FADS6: variants seen among roughly 807,000 people sequenced by gnomAD.
FADS6 encodes the protein fatty acid desaturase 6.
Under a neutral mutation model 31.7 loss-of-function variants are expected in FADS6, and 28 were observed. That is an observed-to-expected ratio of 0.88 (90% CI 0.66 to 1.21). The LOEUF is 1.21. Ranked by LOEUF, FADS6 falls within the 50% of genes most tolerant of loss-of-function variation. The pLI is 0.00. For missense variants in FADS6, 494 were observed against 504.2 expected (o/e 0.98, Z 0.19); for synonymous variants, 191 against 213.1 (o/e 0.90, Z 0.90).
At chr17:74,882,502 C>G (rs779636351) in intron 3 of FADS6, 28 bp downstream of exon 3, 1 of 1,589,944 alleles carries the variant, frequency 6.3e-7, no homozygotes, top group African/African-American at 1.3e-5. Flanking sequence ...ATGCAGGACA[C>G]TGCGGACCGG....
chr17:74,890,746 G>T (rs1002493235), intron 2 of FADS6, among the ~76,000 whole-genome samples: 1 of 152,146 alleles, frequency 6.6e-6, no homozygotes, highest in East Asian at 1.9e-4. Flanking sequence ...GGCTATCTGG[G>T]TATCTCAAGC....
chr17:74,880,898 G>T (rs2038559946), intron 4 of FADS6, among the ~76,000 whole-genome samples, 170 bp downstream of exon 4: 1 of 152,198 alleles, frequency 6.6e-6, no homozygotes. Context: ...GAGAGGGCAG[G>T]CAGGGTCTCT....
chr17:74,888,718 T>A (rs1598562785), intron 2 of FADS6, among the ~76,000 whole-genome samples: 1 of 152,204 alleles, frequency 6.6e-6, no homozygotes, highest in Admixed American at 6.5e-5. Context: ...GCTTCGGAAC[T>A]GGCAGGGCCT....
At chr17:74,889,710 C>T (rs1326035163) in intron 2 of FADS6, among the ~76,000 whole-genome samples, 1 of 142,880 alleles carries the variant, frequency 7.0e-6, no homozygotes. Context: ...TACAAAAATA[C>T]AAAAAAAAAA....
Position 74,881,201 on chromosome 17 carries a change from G to T in FADS6, c.647C>A (p.Ser216Tyr). The T allele has an allele frequency of 6.2e-7, 1 of 1,611,432 alleles. No individual in the cohort carries two copies. Among genetic ancestry groups the T allele is most frequent in the Non-Finnish European group, 8.5e-7 (1 of 1,178,786 alleles). ...CCAGTAGTGAGAATAAAGGCCCAGA[G>T]AAATCAGGGCCAGCGTCCGCAGGGC... ...GTALRTLALI[S>Y]LGLYSHYWLL... Residue 216 changes from serine (S) to tyrosine (Y), a missense_variant, in exon 4 of 6, where the codon TCT (serine) becomes TAT (tyrosine). Coordinates refer to ENST00000612771, the MANE Select transcript of FADS6 (RefSeq NM_178128.6).
intron 1 of FADS6, among the ~76,000 whole-genome samples, chr17:74,892,940 G>C (rs2038707735): frequency 6.6e-6 from 1 of 152,098 alleles, no homozygotes; most frequent in Non-Finnish European, 1.5e-5. Flanking sequence ...AAGCAATGTT[G>C]GGGCCTCAGG....
At position 74,878,381 on chromosome 17, in the gene FADS6, C is replaced by T. The variant is rs2038529350; in HGVS notation, c.1057G>A (p.Glu353Lys). The T allele has an allele frequency of 2.5e-6, 4 of 1,614,022 alleles. No individual in the cohort carries two copies. The highest frequency in any genetic ancestry group is 3.4e-6 in the Non-Finnish European group (4 of 1,179,880). Reference sequence around the variant, plus strand: ...GGTGGGGCCTGCACCATGAATTCCTCATAGCGACGGAGAAACAGCTGGAAG... The same window carrying T: ...GGTGGGGCCTGCACCATGAATTCCTTATAGCGACGGAGAAACAGCTGGAAG... ...ARFQLFLRRY[E>K]EFMVQAPPIT... The change falls in exon 6 of 6, where the codon GAG (glutamate) becomes AAG (lysine). Residue 353 changes from glutamate (E) to lysine (K), a missense_variant. Glu to Lys is a moderately conservative substitution (Grantham distance 56, BLOSUM62 1). Coordinates refer to ENST00000612771, the MANE Select transcript of FADS6 (RefSeq NM_178128.6).
chr17:74,885,001 C>T (rs2038608902), intron 2 of FADS6, among the ~76,000 whole-genome samples: 1 of 152,150 alleles, frequency 6.6e-6, no homozygotes, highest in Admixed American at 6.5e-5. Context: ...AGCCACTGCG[C>T]CCAGCCTAAA....
intron 3 of FADS6, among the ~76,000 whole-genome samples, chr17:74,881,640 CCT>C (rs1209836214): frequency 6.6e-6 from 1 of 151,704 alleles, no homozygotes; most frequent in Admixed American, 6.6e-5. Flanking sequence ...ACTTCAGCCC[CCT>C]GAGTAGTTGG....
chr17:74,881,074 G>T lies in FADS6; in HGVS notation c.774C>A (p.Ile258=), dbSNP rs760714522. Residue 258 remains isoleucine (I), a synonymous_variant, in exon 4 of 6, where the codon ATC becomes ATA. Coordinates refer to ENST00000612771, the MANE Select transcript of FADS6 (RefSeq NM_178128.6). ...CAGGTTGGGGTGGCCTCACCTGGAA[G>T]ATGTTGACGTGGAGGTAGGGGTGGG... ...LLAHPYLHVN[I]FQHIGLPMFS... is the part of the protein sequence containing the mutation. 2 of 1,612,690 alleles carry T rather than the reference G, an allele frequency of 1.2e-6. No homozygotes were observed. The highest frequency in any genetic ancestry group is 3.3e-5 in the Admixed American group (2 of 59,792).
chr17:74,883,092 A>G (rs1169909250), intron 2 of FADS6, among the ~76,000 whole-genome samples: 1 of 152,224 alleles, frequency 6.6e-6, no homozygotes, highest in Non-Finnish European at 1.5e-5. Context: ...TCTTAGAAGC[A>G]TCTGCTCGTT....
In FADS6 at chr17:74,877,984, G is replaced by T. The variant is rs933521913; in HGVS notation, c.*347C>A. ...TATCTCCCAGGTGGCCCCTGCACAG[G>T]ATCCCTCTTCACCCTGTCACCTCCC... is the stretch of plus-strand genomic sequence containing the variant. On this transcript the variant is annotated 3_prime_UTR_variant, in exon 6 of 6. Coordinates refer to ENST00000612771, the MANE Select transcript of FADS6 (RefSeq NM_178128.6). The T allele has an allele frequency of 6.7e-6, 7 of 1,038,190 alleles. No homozygotes were observed. Among genetic ancestry groups the T allele is most frequent in the Admixed American group, 5.5e-5 (1 of 18,190 alleles). 64.3% of individuals were successfully genotyped at this position (1,038,190 alleles called of 1,614,324 possible).
intron 2 of FADS6, among the ~76,000 whole-genome samples, chr17:74,885,847 C>T (rs952083937): frequency 1.3e-5 from 2 of 152,160 alleles, no homozygotes; most frequent in Non-Finnish European, 2.9e-5. Context: ...CTGTAGTGTA[C>T]TGTTTGTTTA....
chr17:74,887,714 T>C (rs2038638048), intron 2 of FADS6, among the ~76,000 whole-genome samples: 1 of 152,122 alleles, frequency 6.6e-6, no homozygotes, highest in Non-Finnish European at 1.5e-5. Flanking sequence ...TAAGATGGAG[T>C]CTTGCTCTCT....
intron 2 of FADS6, among the ~76,000 whole-genome samples, chr17:74,888,581 G>A (rs1314971963): frequency 6.6e-6 from 1 of 152,100 alleles, no homozygotes. Flanking sequence ...GAGCCCTGAA[G>A]GAAGCCGATG....
rs760589322 is a variant in FADS6, at chr17:74,881,155, G to A, written c.693C>T (p.Gly231=). 1.7e-5 allele frequency: 28 copies of A among 1,613,186 alleles called. No individual in the cohort carries two copies. The highest frequency in any genetic ancestry group is 2.7e-5 in the African/African-American group (2 of 74,916). ...CCAGGGCTGAGCTGGGGTTCTTGAA[G>A]CCTGACACGTTCAGGAGCAGCCAGT... ...SHYWLLLNVS[G]FKNPSSALGC... The change falls in exon 4 of 6, where the codon GGC becomes GGT. Residue 231 remains glycine (G), a synonymous_variant. Coordinates refer to ENST00000612771, the MANE Select transcript of FADS6 (RefSeq NM_178128.6).
At chr17:74,892,496 C>T (rs779920056) in intron 2 of FADS6, 27 bp downstream of exon 2, 10 of 1,602,416 alleles carry the variant, frequency 6.2e-6, no homozygotes, top group Non-Finnish European at 8.5e-6. Context: ...CCAGCAGCTG[C>T]CTGCATCCTC....
In FADS6 at chr17:74,878,259, C is replaced by G; in HGVS notation, c.*72G>C. On this transcript the variant is annotated 3_prime_UTR_variant, in exon 6 of 6. Coordinates refer to ENST00000612771, the MANE Select transcript of FADS6 (RefSeq NM_178128.6). ...ACCACCAGCCACTGAGCCACACCCC[C>G]TGGACCAGCAGCAGCAGGAGGGCCA... The G allele has an allele frequency of 6.6e-7, 1 of 1,522,056 alleles. No individual in the cohort carries two copies. The highest frequency in any genetic ancestry group is 1.3e-5 in the South Asian group (1 of 78,568). The allele number at this position is 1,522,056 out of a possible 1,614,324, so 94.3% of individuals were successfully genotyped here.
At chr17:74,879,705 G>A (rs1342714704) in intron 4 of FADS6, 122 bp from the exon 5 acceptor site, 6 of 1,028,452 alleles carry the variant, frequency 5.8e-6, no homozygotes, top group Non-Finnish European at 7.0e-6. Context: ...GGGGGGACCT[G>A]GTAGAGGGGC....
Sources: gnomAD v4.1 joint callset for allele counts (sites outside exome capture counted in the v4.1 genomes callset) on GRCh38, gnomAD v4.1.1 for gene constraint, MANE v1.5 for transcripts, NCBI Gene and HGNC (gene_info 2026-07-23, HGNC 2026-07-21) for gene names.